Variants in VPS37C observed in about 807,000 individuals in gnomAD.
VPS37C encodes vacuolar protein sorting-associated protein 37C.
VPS37C carries 9 observed loss-of-function variants against 16.1 expected under a neutral mutation model. The observed-to-expected ratio is 0.56, with a 90% CI of 0.34 to 0.97. The LOEUF (loss-of-function observed/expected upper bound fraction) is 0.97. VPS37C is among the 50% of genes least tolerant of loss of function. VPS37C has a pLI of 0.02. For missense variants in VPS37C, 479 were observed against 472.7 expected (o/e 1.01, Z -0.12); for synonymous variants, 207 against 206.4 (o/e 1.00, Z -0.02).
At chr11:61,139,747 T>TG (rs1168592469) in intron 1 of VPS37C, among the ~76,000 whole-genome samples, 3,611 of 139,234 alleles carry the variant, frequency 0.026, 189 homozygotes, top group African/African-American at 0.091. Context: ...ATAGCTTTTT[T>TG]TTTTTTTTTT....
chr11:61,135,366 C>G (rs1443477732), intron 2 of VPS37C, among the ~76,000 whole-genome samples: 1 of 152,224 alleles, frequency 6.6e-6, no homozygotes, highest in African/African-American at 2.4e-5. Flanking sequence ...TTCCTGCCCT[C>G]CCTGAGCCCT....
chr11:61,134,158 C>T lies in VPS37C; in HGVS notation c.143G>A (p.Ser48Asn), dbSNP rs573512461. The T allele has an allele frequency of 1.9e-6, 3 of 1,613,930 alleles. No homozygotes were observed. The highest frequency in any genetic ancestry group is 1.7e-5 in the Admixed American group (1 of 59,990). Reference sequence around the variant, plus strand: ...GAACTCCAAGTTCCGCTCTGCCAGGCTCCGGTTGGTGGCCAGTGCCATCTC... The same window carrying T: ...GAACTCCAAGTTCCGCTCTGCCAGGTTCCGGTTGGTGGCCAGTGCCATCTC... Reference protein sequence around the residue: ...EREMALATNRSLAERNLEFQG... With the variant: ...EREMALATNRNLAERNLEFQG... Residue 48 changes from serine (S) to asparagine (N), a missense_variant, in exon 3 of 5, where the codon AGC (serine) becomes AAC (asparagine). Ser to Asn is a conservative substitution (Grantham distance 46). Transcript: ENST00000301765.
intron 4 of VPS37C, 68 bp from the exon 5 acceptor site, chr11:61,132,607 T>A (rs1274924348): frequency 5.9e-6 from 9 of 1,514,686 alleles, no homozygotes; most frequent in Non-Finnish European, 8.8e-7. Context: ...TTCCCCAGGG[T>A]CTGAGTTCAG....
rs533652285 is a variant in VPS37C, at chr11:61,141,143, C to A, written c.-6-2308G>T. On this transcript the variant is annotated intron_variant, in intron 1 of 4. Coordinates refer to ENST00000301765, the MANE Select transcript of VPS37C (RefSeq NM_017966.5). ...CAGCACTTTGGAAGGCCAAGGTAGG[C>A]AGATCACCTGAGGTCAGGAGTTCGC... Among the ~76,000 whole-genome samples the A allele has an allele frequency of 2.0e-5, 3 of 152,262 alleles. No individual in the cohort carries two copies. In the East Asian group the frequency reaches 5.8e-4, roughly 29 times the overall value.
At chr11:61,153,174 G>C (rs1025624080) in intron 1 of VPS37C, among the ~76,000 whole-genome samples, 1 of 152,244 alleles carries the variant, frequency 6.6e-6, no homozygotes, top group Non-Finnish European at 1.5e-5. Flanking sequence ...CACAGGTGGA[G>C]GGAGGGACCT....
chr11:61,133,516 G>A (rs915492328), intron 3 of VPS37C, among the ~76,000 whole-genome samples, 179 bp from the exon 4 acceptor site: 2 of 152,208 alleles, frequency 1.3e-5, no homozygotes, highest in African/African-American at 4.8e-5. Context: ...AGCAGAGAAG[G>A]GCCCGAATGA....
Position 61,132,574 on chromosome 11 carries a change from G to T in VPS37C, c.349-35C>A, listed in dbSNP as rs149339120. On this transcript the variant is annotated intron_variant, in intron 4 of 4. Coordinates refer to ENST00000301765, the MANE Select transcript of VPS37C (RefSeq NM_017966.5). ...ATAAGGTCCAGTGACAACAGGGGCA[G>T]CTGGGATCAAGGCCTCTTGATTTTC... 1,467 of 1,538,662 alleles carry T rather than the reference G, an allele frequency of 9.5e-4. 18 individuals are homozygous for T. The African/African-American group carries it at 0.018, about 19-fold the overall frequency.
intron 1 of VPS37C, among the ~76,000 whole-genome samples, chr11:61,151,837 T>C (rs1235027240): frequency 6.6e-6 from 1 of 152,216 alleles, no homozygotes; most frequent in Non-Finnish European, 1.5e-5. Flanking sequence ...GGTGATTTAA[T>C]AGGTAGCCGG....
At chr11:61,140,994 T>G (rs1382605756) in intron 1 of VPS37C, among the ~76,000 whole-genome samples, 1 of 152,226 alleles carries the variant, frequency 6.6e-6, no homozygotes, top group Non-Finnish European at 1.5e-5. Context: ...AAGGCTCATT[T>G]GTGGCCAGGA....
At chr11:61,138,955 CG>C (rs1345410809) in intron 1 of VPS37C, 120 bp from the exon 2 acceptor site, 5 of 895,962 alleles carry the variant, frequency 5.6e-6, no homozygotes, top group Non-Finnish European at 8.9e-6. Flanking sequence ...ACCACTCCAC[CG>C]GGAGGCTCGA....
chr11:61,141,466 A>T (rs1431124878), intron 1 of VPS37C, among the ~76,000 whole-genome samples: 1 of 152,104 alleles, frequency 6.6e-6, no homozygotes, highest in Non-Finnish European at 1.5e-5. Context: ...CCTGGGAGGA[A>T]CACTGGCAGC....
chr11:61,135,251 G>C (rs1419543954), intron 2 of VPS37C, among the ~76,000 whole-genome samples: 1 of 152,204 alleles, frequency 6.6e-6, no homozygotes, highest in African/African-American at 2.4e-5. Context: ...TCGGGGAAAG[G>C]CTACCCCTTC....
At chr11:61,146,193 T>G (rs1180794222) in intron 1 of VPS37C, among the ~76,000 whole-genome samples, 1 of 152,156 alleles carries the variant, frequency 6.6e-6, no homozygotes, top group East Asian at 1.9e-4. Flanking sequence ...ATTTCTCCAC[T>G]CCCTTAATGA....
At chr11:61,146,175 C>T (rs888567270) in intron 1 of VPS37C, among the ~76,000 whole-genome samples, 4 of 152,216 alleles carry the variant, frequency 2.6e-5, no homozygotes, top group African/African-American at 9.6e-5. Context: ...TTACCCCCGC[C>T]TGCTCGCATT....
chr11:61,136,942 G>A (rs1024057645), intron 2 of VPS37C, among the ~76,000 whole-genome samples: 1 of 152,156 alleles, frequency 6.6e-6, no homozygotes, highest in Admixed American at 6.5e-5. Flanking sequence ...TCAGGAGGTG[G>A]AGGCTGCAGT....
rs1219845510 is a variant in VPS37C, at chr11:61,132,504, G to A, written c.384C>T (p.Pro128=). ...MAEKFLEGEV[P]LETFLENFSS... ...AAAAATTCTCCAGGAACGTTTCCAG[G>A]GGCACCTCGCCCTCCAGGAACTTCT... Residue 128 remains proline, a synonymous_variant, in exon 5 of 5, where the codon CCC becomes CCT. Transcript: ENST00000301765. The A allele has an allele frequency of 1.3e-5, 21 of 1,609,600 alleles. No individual in the cohort carries two copies. The highest frequency in any genetic ancestry group is 1.7e-5 in the Non-Finnish European group (20 of 1,177,820).
At chr11:61,148,686 G>C (rs1016394284) in intron 1 of VPS37C, among the ~76,000 whole-genome samples, 2 of 152,058 alleles carry the variant, frequency 1.3e-5, no homozygotes, top group Admixed American at 6.5e-5. Flanking sequence ...AAACCATGGA[G>C]AGGAAGGCGT....
At chr11:61,146,070 T>C (rs1448755833) in intron 1 of VPS37C, among the ~76,000 whole-genome samples, 2 of 152,326 alleles carry the variant, frequency 1.3e-5, no homozygotes, top group African/African-American at 2.4e-5. Context: ...GGCTGTCAGA[T>C]AGCTCACAAT....
intron 1 of VPS37C, among the ~76,000 whole-genome samples, chr11:61,160,524 G>A (rs971479572): frequency 7.9e-5 from 12 of 152,186 alleles, no homozygotes; most frequent in Admixed American, 7.2e-4. Flanking sequence ...AGAGAACTGA[G>A]GTACCGCTGG....
Sources: allele counts gnomAD v4.1 joint callset (sites outside exome capture counted in the v4.1 genomes callset), GRCh38; gene constraint gnomAD v4.1.1; transcripts MANE v1.5; gene names NCBI Gene and HGNC (gene_info 2026-07-23, HGNC 2026-07-21).